WWOX: variants seen among roughly 807,000 people sequenced by gnomAD.
The protein encoded by WWOX is WW domain containing oxidoreductase, also known as WW domain-containing oxidoreductase.
Under a neutral mutation model 46.2 loss-of-function variants are expected in WWOX, and 69 were observed. That is an observed-to-expected ratio of 1.49 (90% confidence interval 1.23 to 1.82). The LOEUF is 1.82. Ranked by LOEUF, WWOX falls within the 40% of genes most tolerant of loss-of-function variation. The pLI is 0.00. For synonymous variants in WWOX, 359 were observed against 202.6 expected, an observed-to-expected ratio of 1.77 and a Z score of -6.56; for missense variants, 919 against 542.6, an observed-to-expected ratio of 1.69 and a Z score of -6.89.
At chr16:78,241,170 A>G (rs551923216) in intron 5 of WWOX, 94 of 152,300 alleles carry the variant, frequency 6.2e-4, no homozygotes, top group African/African-American at 2.2e-3. Flanking sequence ...TAAAATGAGA[A>G]TGATATTGAC....
chr16:78,272,657 A>G (rs1050974081), intron 5 of WWOX, among the ~76,000 whole-genome samples: 2 of 152,186 alleles, frequency 1.3e-5, no homozygotes, highest in African/African-American at 4.8e-5. Context: ...ATTAAGTGAG[A>G]TATCATGTAA....
intron 8 of WWOX, among the ~76,000 whole-genome samples, chr16:78,841,961 T>C (rs955021515): frequency 3.3e-5 from 5 of 152,084 alleles, no homozygotes; most frequent in Non-Finnish European, 4.4e-5. Flanking sequence ...GGCAGACGTG[T>C]GGGACACCCA....
intron 8 of WWOX, among the ~76,000 whole-genome samples, chr16:78,999,801 C>G (rs1470202934): frequency 6.6e-6 from 1 of 152,154 alleles, no homozygotes; most frequent in Non-Finnish European, 1.5e-5. Flanking sequence ...AAAGTGCAGA[C>G]TTCACCACTA....
chr16:79,152,593 C>T (rs1386590602), intron 8 of WWOX, among the ~76,000 whole-genome samples: 8 of 151,808 alleles, frequency 5.3e-5, no homozygotes, highest in Non-Finnish European at 1.0e-4. Context: ...ATCGCTTGAA[C>T]CCGGGAGGCA....
At chr16:78,453,926 A>T (rs115016805) in intron 8 of WWOX, among the ~76,000 whole-genome samples, 1,688 of 152,148 alleles carry the variant, frequency 0.011, 28 homozygotes, top group African/African-American at 0.039. Flanking sequence ...CTTTTGCATC[A>T]ATTATTTCTA....
At chr16:78,391,021 A>C (rs1386621850) in intron 6 of WWOX, among the ~76,000 whole-genome samples, 1 of 152,188 alleles carries the variant, frequency 6.6e-6, no homozygotes, top group Non-Finnish European at 1.5e-5. Context: ...CCACACTGGG[A>C]TAGGCAGCAT....
At chr16:79,192,136 G>T (rs367948391) in intron 8 of WWOX, among the ~76,000 whole-genome samples, 49 of 152,332 alleles carry the variant, frequency 3.2e-4, no homozygotes, top group Non-Finnish European at 3.5e-4. Flanking sequence ...TATTAGGTGG[G>T]CAGGGAGCTC....
chr16:78,339,606 G>A (rs1465993831), intron 5 of WWOX, among the ~76,000 whole-genome samples: 1 of 119,932 alleles, frequency 8.3e-6, no homozygotes, highest in Admixed American at 8.2e-5. Flanking sequence ...TTCTGAAAAA[G>A]GATGATAGAA....
At chr16:79,185,282 G>T (rs748951977) in intron 8 of WWOX, among the ~76,000 whole-genome samples, 2 of 152,282 alleles carry the variant, frequency 1.3e-5, no homozygotes, top group East Asian at 3.9e-4. Flanking sequence ...TCTTCAATAA[G>T]AGCAGAGGCA....
At position 79,014,681 on chromosome 16, in the gene WWOX, C is replaced by T. The variant is rs1876973; in HGVS notation, c.1057-196927C>T. 8.0e-3 allele frequency among the ~76,000 whole-genome samples: 1,213 copies of T among 152,228 alleles called. 17 individuals are homozygous for T. The highest frequency in any genetic ancestry group is 0.028 in the African/African-American group (1,143 of 41,508). ...CACTGCAGCAAAGGGGACATTTCGG[C>T]CCTGATTTCAGAGATGAAAGAACCA... On this transcript the variant is annotated intron_variant, in intron 8 of 8. Transcript: ENST00000566780.
At chr16:78,929,487 A>T (rs967055192) in intron 8 of WWOX, among the ~76,000 whole-genome samples, 1 of 152,114 alleles carries the variant, frequency 6.6e-6, no homozygotes, top group African/African-American at 2.4e-5. Flanking sequence ...AATGCTAAGG[A>T]GAGGAAAAAA....
chr16:78,843,446 G>C (rs993605858), intron 8 of WWOX, among the ~76,000 whole-genome samples: 2 of 150,010 alleles, frequency 1.3e-5, no homozygotes, highest in South Asian at 4.3e-4. Flanking sequence ...GCCCAGCTCA[G>C]GGGATGAGAT....
chr16:78,143,920 C>T (rs531695315), intron 4 of WWOX, among the ~76,000 whole-genome samples: 8 of 151,794 alleles, frequency 5.3e-5, no homozygotes, highest in South Asian at 2.1e-4. Context: ...TTTCTTAACA[C>T]GGGGATACAT....
Position 78,478,197 on chromosome 16 carries a change from A to G in WWOX, c.1056+45445A>G, listed in dbSNP as rs541488529. Among the ~76,000 whole-genome samples the G allele has an allele frequency of 3.3e-5, 5 of 152,354 alleles. No individual in the cohort carries two copies. The South Asian group carries it at 1.0e-3, about 32-fold the overall frequency. On this transcript the variant is annotated intron_variant, in intron 8 of 8. Transcript: ENST00000566780. ...GGTTGTATACAAGGATATAAATGAT[A>G]AATACAAGTAGTAGCATTTTTAGTA...
intron 8 of WWOX, among the ~76,000 whole-genome samples, chr16:78,852,300 G>A (rs182891212): frequency 6.6e-6 from 1 of 152,162 alleles, no homozygotes; most frequent in African/African-American, 2.4e-5. Context: ...ACCTACAGGG[G>A]GAAGTGATAG....
At chr16:78,688,030 A>G (rs1390254462) in intron 8 of WWOX, among the ~76,000 whole-genome samples, 2 of 152,186 alleles carry the variant, frequency 1.3e-5, no homozygotes, top group Non-Finnish European at 2.9e-5. Context: ...AGTTATTTAA[A>G]TTAGTAAATA....
intron 8 of WWOX, among the ~76,000 whole-genome samples, chr16:78,546,041 A>C (rs117820203): frequency 1.3e-5 from 2 of 152,176 alleles, no homozygotes; most frequent in South Asian, 4.1e-4. Flanking sequence ...AACATGCTCT[A>C]TGCTGGGCAC....
intron 8 of WWOX, among the ~76,000 whole-genome samples, chr16:79,069,246 C>T (rs1163698818): frequency 2.0e-5 from 3 of 152,156 alleles, no homozygotes; most frequent in East Asian, 3.9e-4. Context: ...GTTGTGAGTA[C>T]GATTAATGCT....
chr16:78,344,436 A>G (rs2081063005), intron 5 of WWOX, among the ~76,000 whole-genome samples: 3 of 121,728 alleles, frequency 2.5e-5, no homozygotes, highest in African/African-American at 8.3e-5. Flanking sequence ...GGAAGATGGA[A>G]TTACCACGAG....
Sources: gnomAD v4.1 joint callset for allele counts (sites outside exome capture counted in the v4.1 genomes callset) on GRCh38, gnomAD v4.1.1 for gene constraint, MANE v1.5 for transcripts, NCBI Gene and HGNC (gene_info 2026-07-23, HGNC 2026-07-21) for gene names.